LARP4B: variants seen among roughly 807,000 people sequenced by gnomAD.
LARP4B encodes La ribonucleoprotein 4B.
Under a neutral mutation model 89.8 loss-of-function variants are expected in LARP4B, and 12 were observed. The ratio of observed to expected loss-of-function variants is 0.13; its 90% CI spans 0.09 to 0.22. The LOEUF (loss-of-function observed/expected upper bound fraction) is 0.22. LARP4B is among the 10% of genes least tolerant of loss of function. The probability of loss-of-function intolerance (pLI) is 1.00; values close to 1 mark genes in which losing one functional copy is unlikely to be tolerated. For synonymous variants in LARP4B, 367 were observed against 363.3 expected (o/e 1.01, Z -0.12); for missense variants, 757 against 947.7 (o/e 0.80, Z 2.64).
chr10:820,613 A>G, intron 14 of LARP4B, 187 bp downstream of exon 14: 1 of 592,576 alleles, frequency 1.7e-6, no homozygotes, highest in Non-Finnish European at 3.0e-6. Flanking sequence ...CGCTATTTCC[A>G]AAACCTCTAC....
the LARP4B span, among the ~76,000 whole-genome samples, chr10:968,240 G>C: frequency 1.3e-5 from 2 of 152,208 alleles, no homozygotes; most frequent in Non-Finnish European, 2.9e-5. Flanking sequence ...TCAAGTTGGA[G>C]TGTGGCGTTG....
At chr10:817,572 C>T (rs1832127950) in intron 15 of LARP4B, among the ~76,000 whole-genome samples, 153 bp downstream of exon 15, 1 of 152,184 alleles carries the variant, frequency 6.6e-6, no homozygotes, top group Admixed American at 6.5e-5. Context: ...GCTGGCCTTA[C>T]TCCAAATCTG....
chr10:842,137 T>G (rs1833549164), intron 7 of LARP4B, among the ~76,000 whole-genome samples: 1 of 152,168 alleles, frequency 6.6e-6, no homozygotes, highest in Non-Finnish European at 1.5e-5. Flanking sequence ...CCATCCACAC[T>G]TAATGCTTAA....
At chr10:982,397 T>A in the LARP4B span, among the ~76,000 whole-genome samples, 4 of 152,158 alleles carry the variant, frequency 2.6e-5, no homozygotes, top group Admixed American at 2.6e-4. Context: ...AGCCTCAACC[T>A]ATAACTTTTT....
At chr10:848,066 G>A (rs574578203) in intron 5 of LARP4B, among the ~76,000 whole-genome samples, 7 of 152,306 alleles carry the variant, frequency 4.6e-5, no homozygotes, top group East Asian at 3.9e-4. Context: ...TGCAAAGCAC[G>A]GATGTGATGA....
At chr10:828,834 G>A (rs1486413892) in intron 11 of LARP4B, among the ~76,000 whole-genome samples, 1 of 152,114 alleles carries the variant, frequency 6.6e-6, no homozygotes, top group Non-Finnish European at 1.5e-5. Flanking sequence ...TTCCCACCCA[G>A]AATGCACTTG....
At chr10:849,964 AC>A (rs1404129005) in intron 5 of LARP4B, among the ~76,000 whole-genome samples, 2 of 152,212 alleles carry the variant, frequency 1.3e-5, no homozygotes, top group Non-Finnish European at 2.9e-5. Flanking sequence ...GCCTAAGGAG[AC>A]GTAACAATGA....
At chr10:936,778 G>T (rs1009528402), upstream of LARP4B, among the ~76,000 whole-genome samples, 9 of 152,130 alleles carry the variant, frequency 5.9e-5, no homozygotes, top group Non-Finnish European at 2.9e-5. Context: ...ACCCTTAGAA[G>T]GTTTTGCTGT....
At chr10:938,377 A>T in the LARP4B span, among the ~76,000 whole-genome samples, 1 of 151,534 alleles carries the variant, frequency 6.6e-6, no homozygotes, top group Non-Finnish European at 1.5e-5. Context: ...CAGCCTCCCG[A>T]GTAGCTGGGA....
At chr10:893,576 G>A (rs530998335) in intron 1 of LARP4B, among the ~76,000 whole-genome samples, 1 of 152,178 alleles carries the variant, frequency 6.6e-6, no homozygotes, top group Non-Finnish European at 1.5e-5. Context: ...GTACTTAGCT[G>A]TCCTTCCGTT....
At chr10:867,573 A>C (rs1177632546) in intron 3 of LARP4B, among the ~76,000 whole-genome samples, 1 of 152,186 alleles carries the variant, frequency 6.6e-6, no homozygotes, top group African/African-American at 2.4e-5. Context: ...CAAGAACTCC[A>C]GCGTCGGCCG....
In LARP4B at chr10:873,299, C is replaced by A. The variant is rs887755558; in HGVS notation, c.142-9029G>T. ...GGTCACATGTTCCTGCCACTCAAAC[C>A]CAAATCCTAATGACAACAGAGCCCG... On this transcript the variant is annotated intron_variant, in intron 3 of 17. Coordinates refer to ENST00000316157, the MANE Select transcript of LARP4B (RefSeq NM_015155.3). The A allele has an allele frequency of 6.1e-6, 6 of 985,280 alleles. No homozygotes were observed. The African/African-American group carries it at 1.0e-4, about 17-fold the overall frequency. The allele number at this position is 985,280 out of a possible 1,614,324, so 61.0% of individuals were successfully genotyped here.
chr10:840,352 C>T (rs1158252000), intron 7 of LARP4B, among the ~76,000 whole-genome samples: 1 of 152,220 alleles, frequency 6.6e-6, no homozygotes, highest in African/African-American at 2.4e-5. Flanking sequence ...CCCGTTCATG[C>T]TTTCACACCA....
chr10:964,713 GC>G, the LARP4B span, among the ~76,000 whole-genome samples: 2 of 152,192 alleles, frequency 1.3e-5, no homozygotes, highest in African/African-American at 4.8e-5. Flanking sequence ...AACGCTGTTG[GC>G]CCCGCTAACT....
chr10:815,869 C>A (rs1429827870), intron 15 of LARP4B, among the ~76,000 whole-genome samples: 1 of 152,210 alleles, frequency 6.6e-6, no homozygotes, highest in African/African-American at 2.4e-5. Context: ...CTGCGCTCGA[C>A]CAGCAGGAAT....
rs1340095153 is a variant in LARP4B, at chr10:814,055, C to T, written c.1929+687G>A. Among the ~76,000 whole-genome samples the T allele has an allele frequency of 6.6e-6, 1 of 151,974 alleles. No individual in the cohort carries two copies. The highest frequency in any genetic ancestry group is 1.5e-5 in the Non-Finnish European group (1 of 68,012). ...TGACCGCATGATCTGCCTACCTCGG[C>T]CTCCCAAAGTGCTGGGATTACAGGC... On this transcript the variant is annotated intron_variant, in intron 17 of 17. Coordinates refer to ENST00000316157, the MANE Select transcript of LARP4B (RefSeq NM_015155.3). This position sits in a 1 kb window ranked among gnomAD's most constrained non-coding sequence, Gnocchi z 4.4.
intron 1 of LARP4B, among the ~76,000 whole-genome samples, chr10:918,751 T>C (rs1262992700): frequency 6.6e-6 from 1 of 150,888 alleles, no homozygotes; most frequent in African/African-American, 2.4e-5. Context: ...CTTTACTCAA[T>C]CTTGTAGCAT....
the LARP4B span, among the ~76,000 whole-genome samples, chr10:981,760 G>C: frequency 6.6e-6 from 1 of 152,066 alleles, no homozygotes; most frequent in African/African-American, 2.4e-5. Flanking sequence ...AGTAGATATG[G>C]GGTTTCATAT....
intron 5 of LARP4B, among the ~76,000 whole-genome samples, chr10:846,052 C>T (rs1833763249): frequency 6.6e-6 from 1 of 152,182 alleles, no homozygotes; most frequent in South Asian, 2.1e-4. Flanking sequence ...GTAACCATAA[C>T]ACAAAACCAA....
Sources: allele counts gnomAD v4.1 joint callset (sites outside exome capture counted in the v4.1 genomes callset), GRCh38; gene constraint gnomAD v4.1.1; non-coding constraint Gnocchi (gnomAD v3.1); transcripts MANE v1.5; gene names NCBI Gene and HGNC (gene_info 2026-07-23, HGNC 2026-07-21).